The following CSMD2 variants were observed in gnomAD, a reference collection of about 807,000 sequenced individuals.
CSMD2 encodes the protein CUB and Sushi multiple domains 2.
In CSMD2, 130 loss-of-function variants were observed where a neutral mutation model predicts 398.5. The ratio of observed to expected loss-of-function variants is 0.33; its 90% CI spans 0.28 to 0.38. CSMD2 has a LOEUF of 0.38. CSMD2 is among the 10% of genes least tolerant of loss of function. CSMD2 has a pLI of 1.00. For missense variants in CSMD2, 3,829 were observed against 4,764.9 expected (o/e 0.80, Z 5.78); for synonymous variants, 1,828 against 1,908.5 (o/e 0.96, Z 1.10).
At chr1:33,954,911 G>A (rs1280485215) in intron 3 of CSMD2, among the ~76,000 whole-genome samples, 2 of 152,192 alleles carry the variant, frequency 1.3e-5, no homozygotes, top group African/African-American at 4.8e-5. Flanking sequence ...ACAACAATGT[G>A]AATGTACTTA....
At chr1:33,974,409 C>T (rs1298736173) in intron 3 of CSMD2, among the ~76,000 whole-genome samples, 1 of 152,224 alleles carries the variant, frequency 6.6e-6, no homozygotes, top group Admixed American at 6.5e-5. Flanking sequence ...GGCATAGGGC[C>T]AAGCACTAGG....
At chr1:33,752,936 G>T (rs1198029704) in intron 13 of CSMD2, among the ~76,000 whole-genome samples, 3 of 152,140 alleles carry the variant, frequency 2.0e-5, no homozygotes, top group Non-Finnish European at 4.4e-5. Flanking sequence ...GACGACCTAG[G>T]GTATCTGATG....
intron 12 of CSMD2, among the ~76,000 whole-genome samples, chr1:33,785,947 T>C (rs1653489039): frequency 6.6e-6 from 1 of 152,198 alleles, no homozygotes; most frequent in South Asian, 2.1e-4. Context: ...GCCATCAACA[T>C]TTCTTACAGG....
intron 22 of CSMD2, 25 bp from the exon 23 acceptor site, chr1:33,700,698 C>T (rs1322115729): frequency 6.2e-7 from 1 of 1,613,552 alleles, no homozygotes; most frequent in Admixed American, 1.7e-5. Flanking sequence ...GACCCCCAAC[C>T]CAATGTCGTC....
At chr1:33,967,153 T>C (rs1355109164) in intron 3 of CSMD2, among the ~76,000 whole-genome samples, 1 of 152,166 alleles carries the variant, frequency 6.6e-6, no homozygotes, top group Non-Finnish European at 1.5e-5. Context: ...TAGTGGAGAA[T>C]TGATTTTAAT....
Position 33,624,982 on chromosome 1 carries a change from G to C in CSMD2, c.5500+69C>G. 1 of 1,484,866 alleles carries C rather than the reference G, an allele frequency of 6.7e-7. No individual in the cohort carries two copies. The highest frequency in any genetic ancestry group is 9.4e-7 in the Non-Finnish European group (1 of 1,067,348). The allele number at this position is 1,484,866 out of a possible 1,614,324, so 92.0% of individuals were successfully genotyped here. On this transcript the variant is annotated intron_variant, in intron 34 of 70. Transcript: ENST00000373381. The surrounding 1 kb of genome is among the most constrained non-coding windows in gnomAD (Gnocchi z 4.7). The stretch of plus-strand genomic sequence containing the variant: ...TCGTGGGGCATCACTGGGGCTGACT[G>C]CCTCCCCTACAGAGAAAGGACTACG...
intron 49 of CSMD2, 22 bp downstream of exon 49, chr1:33,577,274 C>G: frequency 6.3e-7 from 1 of 1,578,618 alleles, no homozygotes; most frequent in Non-Finnish European, 8.6e-7. Context: ...ACCTTGTGAC[C>G]CCCTTTCCAC....
At chr1:33,818,298 T>C (rs1484921223) in intron 9 of CSMD2, among the ~76,000 whole-genome samples, 2 of 152,210 alleles carry the variant, frequency 1.3e-5, no homozygotes, top group East Asian at 3.8e-4. Flanking sequence ...CCGTCATCCA[T>C]TCAACACCTG....
intron 4 of CSMD2, among the ~76,000 whole-genome samples, chr1:33,920,957 T>C (rs1643916389): frequency 6.6e-6 from 1 of 152,142 alleles, no homozygotes; most frequent in Non-Finnish European, 1.5e-5. Context: ...AGAGGGTGTT[T>C]TAGGCAGAAA....
intron 22 of CSMD2, among the ~76,000 whole-genome samples, chr1:33,707,124 G>C (rs1645812920): frequency 6.6e-6 from 1 of 152,150 alleles, no homozygotes; most frequent in Admixed American, 6.5e-5. Flanking sequence ...GTGCTATTCT[G>C]AATCTAGACC....
chr1:33,542,946 C>A, intron 57 of CSMD2, 50 bp from the exon 58 acceptor site: 1 of 1,542,936 alleles, frequency 6.5e-7, no homozygotes. Flanking sequence ...GTGGGTATCA[C>A]CTAGGGGACT....
At position 33,754,217 on chromosome 1, in the gene CSMD2, T is replaced by G. The variant is rs555393567; in HGVS notation, c.1847-10611A>C. On this transcript the variant is annotated intron_variant, in intron 13 of 70. Transcript: ENST00000373381. The stretch of plus-strand genomic sequence containing the variant: ...GGACATGGGGCCTGGGGGGAGGTAT[T>G]TGGATAATGGGGTTAGATTCTTCAT... Among the ~76,000 whole-genome samples, 5 of 152,266 alleles carry G rather than the reference T, an allele frequency of 3.3e-5. No individual in the cohort carries two copies. The South Asian group carries it at 1.0e-3, about 32-fold the overall frequency.
At chr1:34,147,355 G>A (rs1425650261) in intron 1 of CSMD2, among the ~76,000 whole-genome samples, 1 of 152,206 alleles carries the variant, frequency 6.6e-6, no homozygotes, top group Admixed American at 6.5e-5. Flanking sequence ...TGTTAAGTGG[G>A]AAGGAGTGAT....
chr1:33,702,682 AT>A (rs1325645769), intron 22 of CSMD2, among the ~76,000 whole-genome samples: 1 of 152,180 alleles, frequency 6.6e-6, no homozygotes, highest in African/African-American at 2.4e-5. Flanking sequence ...TATTTTTTCC[AT>A]AACAGCATTT....
intron 3 of CSMD2, among the ~76,000 whole-genome samples, chr1:34,007,413 AC>A (rs1272713671): frequency 2.6e-5 from 4 of 152,030 alleles, no homozygotes; most frequent in Admixed American, 2.0e-4. Flanking sequence ...GCCTCCTCTG[AC>A]CCCTGTTGTT....
chr1:33,883,173 C>A (rs1489076403), intron 5 of CSMD2, among the ~76,000 whole-genome samples: 4 of 152,150 alleles, frequency 2.6e-5, no homozygotes, highest in Non-Finnish European at 5.9e-5. Flanking sequence ...AACTTTCTTC[C>A]ATAGAATGGA....
intron 1 of CSMD2, among the ~76,000 whole-genome samples, chr1:34,138,479 T>C (rs1400600487): frequency 1.3e-5 from 2 of 152,226 alleles, no homozygotes; most frequent in African/African-American, 2.4e-5. Context: ...AGAGTAACCA[T>C]ATCTACAGGA....
chr1:33,656,383 C>T (rs1458478241), intron 27 of CSMD2, among the ~76,000 whole-genome samples: 1 of 152,218 alleles, frequency 6.6e-6, no homozygotes, highest in Non-Finnish European at 1.5e-5. Context: ...CCCTACACAG[C>T]AGAATACGTA....
At position 33,515,662 on chromosome 1, in the gene CSMD2, A is replaced by C. The variant is rs1346903620; in HGVS notation, c.*962T>G. The C allele has an allele frequency of 6.6e-6, 1 of 152,246 alleles. No homozygotes were observed. The highest frequency in any genetic ancestry group is 2.4e-5 in the African/African-American group (1 of 41,458). The allele number at this position is 152,246 out of a possible 1,614,324, so 9.4% of individuals were successfully genotyped here. On this transcript the variant is annotated 3_prime_UTR_variant, in exon 71 of 71. Transcript: ENST00000373381. Reference sequence around the variant, plus strand: ...AGTGTCAGGCACAGAGAATAACCCCAGTACATGATAGCCATTGTTTTTTGG... The same window carrying C: ...AGTGTCAGGCACAGAGAATAACCCCCGTACATGATAGCCATTGTTTTTTGG...
Sources: allele counts gnomAD v4.1 joint callset (sites outside exome capture counted in the v4.1 genomes callset), GRCh38; gene constraint gnomAD v4.1.1; non-coding constraint Gnocchi (gnomAD v3.1); transcripts MANE v1.5; gene names NCBI Gene and HGNC (gene_info 2026-07-23, HGNC 2026-07-21).